Variants in SYT2 observed in about 807,000 individuals in gnomAD.
SYT2 encodes the protein synaptotagmin 2, also known as synaptotagmin-2.
Under a neutral mutation model 39.9 loss-of-function variants are expected in SYT2, and 15 were observed. The ratio of observed to expected loss-of-function variants is 0.38; its 90% confidence interval spans 0.25 to 0.58. The LOEUF is 0.58. SYT2 is among the 20% of genes least tolerant of loss of function. The probability of loss-of-function intolerance (pLI) is 0.70; values close to 1 mark genes in which losing one functional copy is unlikely to be tolerated. For missense variants in SYT2, 389 were observed against 530.3 expected, an observed-to-expected ratio of 0.73 and a Z score of 2.62; for synonymous variants, 181 against 204.5, an observed-to-expected ratio of 0.89 and a Z score of 0.98.
chr1:202,692,825 C>T (rs1284037415), intron 1 of SYT2, among the ~76,000 whole-genome samples: 2 of 151,988 alleles, frequency 1.3e-5, no homozygotes, highest in Non-Finnish European at 2.9e-5. Flanking sequence ...TTTGGGAGAC[C>T]GAGGTGGGAA....
At chr1:202,653,222 AC>A (rs536527411) in intron 1 of SYT2, among the ~76,000 whole-genome samples, 1 of 151,066 alleles carries the variant, frequency 6.6e-6, no homozygotes, top group African/African-American at 2.4e-5. Context: ...CCCAACACGG[AC>A]CCCCCCTGAA....
chr1:202,710,042 C>T (rs1336839912), intron 1 of SYT2, among the ~76,000 whole-genome samples: 1 of 152,096 alleles, frequency 6.6e-6, no homozygotes, highest in Non-Finnish European at 1.5e-5. Flanking sequence ...CTCCTCGCCC[C>T]TCGGGTCCGA....
chr1:202,656,452 A>G (rs1692278544), intron 1 of SYT2, among the ~76,000 whole-genome samples: 1 of 152,228 alleles, frequency 6.6e-6, no homozygotes, highest in South Asian at 2.1e-4. Flanking sequence ...CAAGGATGGT[A>G]GAGTGCAAAG....
chr1:202,631,550 G>A (rs1691592991), intron 1 of SYT2, among the ~76,000 whole-genome samples: 1 of 152,154 alleles, frequency 6.6e-6, no homozygotes, highest in Non-Finnish European at 1.5e-5. Flanking sequence ...TGGATCAGCG[G>A]TGCCTCTGCC....
At chr1:202,618,986 G>A (rs570103364) in intron 1 of SYT2, among the ~76,000 whole-genome samples, 1 of 152,256 alleles carries the variant, frequency 6.6e-6, no homozygotes, top group African/African-American at 2.4e-5. Flanking sequence ...GTCCAAGGTC[G>A]CACAGGCATT....
intron 1 of SYT2, among the ~76,000 whole-genome samples, chr1:202,683,726 A>T (rs1653585343): frequency 7.5e-6 from 1 of 133,784 alleles, no homozygotes; most frequent in Admixed American, 8.2e-5. Flanking sequence ...TGGATGACAG[A>T]GTGAGACCCT....
chr1:202,689,079 C>G (rs1653753110), intron 1 of SYT2, among the ~76,000 whole-genome samples: 1 of 152,136 alleles, frequency 6.6e-6, no homozygotes, highest in Non-Finnish European at 1.5e-5. Context: ...TCCTGAGACC[C>G]CTGAATTACT....
intron 1 of SYT2, among the ~76,000 whole-genome samples, chr1:202,645,177 G>T (rs2149099780): frequency 6.6e-6 from 1 of 152,248 alleles, no homozygotes; most frequent in Middle Eastern, 3.4e-3. Context: ...AGGGCTCAAG[G>T]TCAGATGCTC....
chr1:202,626,702 G>A (rs1691427697), intron 1 of SYT2, among the ~76,000 whole-genome samples: 1 of 152,044 alleles, frequency 6.6e-6, no homozygotes, highest in South Asian at 2.1e-4. Context: ...CCAGCCTTCC[G>A]AGATGCTTGG....
At chr1:202,665,085 A>T (rs1262916552) in intron 1 of SYT2, among the ~76,000 whole-genome samples, 1 of 152,236 alleles carries the variant, frequency 6.6e-6, no homozygotes, top group Non-Finnish European at 1.5e-5. Flanking sequence ...TCAATTTAAA[A>T]TAATTTATTT....
intron 8 of SYT2, among the ~76,000 whole-genome samples, chr1:202,597,702 A>G (rs565733506): frequency 2.6e-5 from 4 of 152,124 alleles, no homozygotes; most frequent in Non-Finnish European, 5.9e-5. Flanking sequence ...GAGCCCTGGC[A>G]TTGAGTTGGA....
chr1:202,695,474 G>A (rs181909584), intron 1 of SYT2, among the ~76,000 whole-genome samples: 15 of 152,174 alleles, frequency 9.9e-5, no homozygotes, highest in Admixed American at 5.2e-4. Context: ...CCCGGCTCCC[G>A]CAGTGTCAGC....
chr1:202,704,625 A>G (rs1372576609), intron 1 of SYT2, among the ~76,000 whole-genome samples: 1 of 137,148 alleles, frequency 7.3e-6, no homozygotes, highest in Non-Finnish European at 1.6e-5. Flanking sequence ...TGCCTTTGCA[A>G]GGGGCCCTCC....
intron 2 of SYT2, 74 bp downstream of exon 2, chr1:202,605,521 T>C: frequency 7.1e-7 from 1 of 1,415,826 alleles, no homozygotes; most frequent in Non-Finnish European, 9.9e-7. Flanking sequence ...CACATCCCAG[T>C]GGTATCCCCA....
rs1231397586 is a variant in SYT2 at position 202,603,072 on chromosome 1, C to G, written c.392G>C (p.Gly131Ala). 3.1e-6 allele frequency: 5 copies of G among 1,614,038 alleles called. No homozygotes were observed. The highest frequency in any genetic ancestry group is 1.7e-5 in the Admixed American group (1 of 59,998). Residue 131 changes from glycine to alanine, a missense_variant, in exon 4 of 9, where the codon GGG (glycine) becomes GCG (alanine). This residue lies in a region of SYT2 where 280 missense variants were observed against 335.6 expected (regional missense o/e 0.83). Transcript: ENST00000367268. ...GTTCTCTGGCTCTTTCTCCTCCTCC[C>G]CTTCACCTTCCCCCTCAGTCAGGCC... ...ETGLTEGEGE[G>A]EEEKEPENLG...
intron 1 of SYT2, among the ~76,000 whole-genome samples, chr1:202,624,959 CTG>C (rs1182273433): frequency 4.1e-5 from 2 of 48,626 alleles, no homozygotes; most frequent in African/African-American, 1.6e-4. Flanking sequence ...TGTGTGGTGT[CTG>C]TGTGTGGCAT....
chr1:202,608,813 C>A (rs1275076703), intron 1 of SYT2, among the ~76,000 whole-genome samples: 1 of 152,130 alleles, frequency 6.6e-6, no homozygotes, highest in East Asian at 1.9e-4. Flanking sequence ...TTTAAGGTGC[C>A]AGCACCAATT....
chr1:202,645,195 G>A (rs1322699859), intron 1 of SYT2, among the ~76,000 whole-genome samples: 2 of 152,052 alleles, frequency 1.3e-5, no homozygotes, highest in African/African-American at 2.4e-5. Context: ...CTCAGCAGGA[G>A]GGCACCAGGG....
At chr1:202,655,242 G>A (rs1161405961) in intron 1 of SYT2, among the ~76,000 whole-genome samples, 2 of 152,098 alleles carry the variant, frequency 1.3e-5, no homozygotes, top group Non-Finnish European at 2.9e-5. Context: ...AAGCTGAAGG[G>A]TATGGCCATT....
Sources: allele counts gnomAD v4.1 joint callset (sites outside exome capture counted in the v4.1 genomes callset), GRCh38; gene constraint gnomAD v4.1.1; regional missense constraint gnomAD v4.1.1; transcripts MANE v1.5; gene names NCBI Gene and HGNC (gene_info 2026-07-23, HGNC 2026-07-21).